RERE: variants seen among roughly 807,000 people sequenced by gnomAD.
RERE encodes arginine-glutamic acid dipeptide repeats, also known as arginine-glutamic acid dipeptide repeats protein.
In RERE, 40 loss-of-function variants were observed where a neutral mutation model predicts 146.1. The ratio of observed to expected loss-of-function variants is 0.27; its 90% CI spans 0.21 to 0.36. The LOEUF (loss-of-function observed/expected upper bound fraction) is 0.36, where lower values mean the gene tolerates loss of function less well. RERE is among the 10% of genes least tolerant of loss of function. The probability of loss-of-function intolerance (pLI) is 1.00; values close to 1 mark genes in which losing one functional copy is unlikely to be tolerated. For synonymous variants in RERE, 1,003 were observed against 866.0 expected, an observed-to-expected ratio of 1.16 and a Z score of -2.78; for missense variants, 1,933 against 2,138.7, an observed-to-expected ratio of 0.90 and a Z score of 1.90.
At chr1:8,481,698 TAGTGATGAACTTA>T (rs925556549) in intron 10 of RERE, among the ~76,000 whole-genome samples, 2 of 152,192 alleles carry the variant, frequency 1.3e-5, no homozygotes, top group Non-Finnish European at 2.9e-5. Context: ...ATAAAATTAA[TAGTGATGAACTTA>T]AGGTCCTATG....
intron 1 of RERE, among the ~76,000 whole-genome samples, chr1:8,726,160 T>TTTTTTTTTTTTTTA: frequency 7.7e-6 from 1 of 129,684 alleles, no homozygotes; most frequent in African/African-American, 2.8e-5. Context: ...TTTTTTTTTT[T>TTTTTTTTTTTTTTA]TTTTTTTTTT....
At chr1:8,648,063 G>A (rs74913084) in intron 2 of RERE, among the ~76,000 whole-genome samples, 2,316 of 152,188 alleles carry the variant, frequency 0.015, 61 homozygotes, top group African/African-American at 0.053. Context: ...ACGTAACATG[G>A]CCAGAACCTG....
intron 2 of RERE, among the ~76,000 whole-genome samples, chr1:8,646,457 G>C (rs556096477): frequency 6.6e-6 from 1 of 151,952 alleles, no homozygotes; most frequent in Non-Finnish European, 1.5e-5. Flanking sequence ...ACTTGAGCTC[G>C]GGAGTTCAAG....
rs753576184 is a variant in RERE at position 8,358,758 on chromosome 1, G to A, written c.3777C>T (p.Tyr1259=). ...TGGGCGACATGACGTGGGGCCGGGC[G>A]TACTCGCTCAGAGTCCGAAGGGCAG... ...DTPALRTLSE[Y]ARPHVMSPTN... is the part of the protein sequence containing the mutation. The change falls in exon 20 of 23, where the codon TAC becomes TAT. Residue 1259 remains tyrosine, a synonymous_variant. Transcript: ENST00000400908. 24 of 1,611,648 alleles carry A rather than the reference G, an allele frequency of 1.5e-5. No homozygotes were observed. Among genetic ancestry groups the A allele is most frequent in the East Asian group, 6.7e-5 (3 of 44,850 alleles).
chr1:8,658,196 T>C (rs911843234), intron 1 of RERE, among the ~76,000 whole-genome samples: 2 of 152,208 alleles, frequency 1.3e-5, no homozygotes, highest in Non-Finnish European at 2.9e-5. Context: ...CCCAATACCC[T>C]ATCTCACTTA....
chr1:8,417,736 C>G (rs1643816490), intron 12 of RERE, among the ~76,000 whole-genome samples: 1 of 152,198 alleles, frequency 6.6e-6, no homozygotes, highest in Non-Finnish European at 1.5e-5. Context: ...CATACACATT[C>G]TTTGGAGGGA....
chr1:8,545,583 T>C (rs552233153), intron 6 of RERE, among the ~76,000 whole-genome samples: 8 of 152,094 alleles, frequency 5.3e-5, no homozygotes, highest in African/African-American at 1.9e-4. Context: ...ACAGAATGTT[T>C]ACAGTAGCAA....
chr1:8,680,418 G>A (rs775423496), intron 1 of RERE, among the ~76,000 whole-genome samples: 35 of 152,312 alleles, frequency 2.3e-4, no homozygotes, highest in Non-Finnish European at 4.4e-4. Context: ...GCAAGCAAAC[G>A]TAGTGTGGTG....
At chr1:8,730,710 C>T (rs558401847) in intron 1 of RERE, among the ~76,000 whole-genome samples, 1 of 152,314 alleles carries the variant, frequency 6.6e-6, no homozygotes, top group East Asian at 1.9e-4. Context: ...GCAATCACAG[C>T]TCACTGCACC....
chr1:8,750,510 T>G, intron 1 of RERE: 1 of 1,088,100 alleles, frequency 9.2e-7, no homozygotes, highest in Non-Finnish European at 1.4e-6. Flanking sequence ...TTCACAGAGC[T>G]GAAGATCAAG....
chr1:8,689,927 G>C (rs972763145), intron 1 of RERE, among the ~76,000 whole-genome samples: 2 of 152,162 alleles, frequency 1.3e-5, no homozygotes, highest in Non-Finnish European at 2.9e-5. Context: ...GAAGGCAGCT[G>C]TAAGGATGGA....
At chr1:8,357,919 C>T (rs1179094690) in intron 20 of RERE, among the ~76,000 whole-genome samples, 3 of 152,262 alleles carry the variant, frequency 2.0e-5, no homozygotes, top group Admixed American at 6.5e-5. Context: ...GCCTAGGCCA[C>T]TTCCCTCCAT....
chr1:8,816,235 A>G (rs1641908695), intron 1 of RERE, among the ~76,000 whole-genome samples: 1 of 151,822 alleles, frequency 6.6e-6, no homozygotes, highest in South Asian at 2.1e-4. Flanking sequence ...CTTACTAGTT[A>G]TCTTTTTTTG....
At chr1:8,766,520 C>T (rs1306481017) in intron 1 of RERE, among the ~76,000 whole-genome samples, 1 of 137,260 alleles carries the variant, frequency 7.3e-6, no homozygotes, top group African/African-American at 2.8e-5. Context: ...GCCCTCCAGC[C>T]TAGGCAACAC....
chr1:8,377,720 G>A (rs771776159), intron 12 of RERE, among the ~76,000 whole-genome samples: 18 of 152,094 alleles, frequency 1.2e-4, no homozygotes, highest in South Asian at 2.1e-4. Flanking sequence ...AGTGACATCC[G>A]TCAGGGTCAC....
At chr1:8,383,430 C>T (rs1370929703) in intron 12 of RERE, among the ~76,000 whole-genome samples, 1 of 152,006 alleles carries the variant, frequency 6.6e-6, no homozygotes, top group Non-Finnish European at 1.5e-5. Flanking sequence ...GCCGTCCTTG[C>T]ACTTTAATGC....
At chr1:8,410,972 C>T (rs1643598821) in intron 12 of RERE, among the ~76,000 whole-genome samples, 1 of 152,170 alleles carries the variant, frequency 6.6e-6, no homozygotes, top group Admixed American at 6.5e-5. Flanking sequence ...TTCACACTAT[C>T]TAGTTAAACA....
intron 8 of RERE, among the ~76,000 whole-genome samples, chr1:8,507,060 A>G (rs1274345188): frequency 6.6e-6 from 1 of 152,142 alleles, no homozygotes; most frequent in Non-Finnish European, 1.5e-5. Context: ...GACATGGGAG[A>G]CAGAAACAGA....
At chr1:8,375,184 TG>T (rs1335873480) in intron 12 of RERE, among the ~76,000 whole-genome samples, 1 of 152,234 alleles carries the variant, frequency 6.6e-6, no homozygotes, top group African/African-American at 2.4e-5. Context: ...TCTGATGAAA[TG>T]ATTATTTCTG....
Sources: gnomAD v4.1 joint callset for allele counts (sites outside exome capture counted in the v4.1 genomes callset) on GRCh38, gnomAD v4.1.1 for gene constraint, MANE v1.5 for transcripts, NCBI Gene and HGNC (gene_info 2026-07-23, HGNC 2026-07-21) for gene names.